The following CA12 variants were observed in gnomAD, a reference collection of about 807,000 sequenced individuals.
CA12 encodes the protein carbonic anhydrase 12.
Under a neutral mutation model 46.8 loss-of-function variants are expected in CA12, and 36 were observed. The observed-to-expected ratio is 0.77, with a 90% CI of 0.59 to 1.02. The LOEUF (loss-of-function observed/expected upper bound fraction) is 1.02. Among genes scored for constraint, CA12 ranks in the 50% least tolerant of loss-of-function variants. The pLI, the probability that CA12 is intolerant of heterozygous loss-of-function variation, is 0.00. For synonymous variants in CA12, 202 were observed against 187.0 expected (o/e 1.08, Z -0.65); for missense variants, 436 against 451.4 (o/e 0.97, Z 0.31).
intron 2 of CA12, among the ~76,000 whole-genome samples, chr15:63,358,949 C>T (rs1272007342): frequency 6.6e-6 from 1 of 152,162 alleles, no homozygotes; most frequent in East Asian, 1.9e-4. Context: ...GATTTCTGAA[C>T]CCTCTGTTTC....
At position 63,370,630 on chromosome 15, in the gene CA12, G is replaced by A. The variant is rs536536913; in HGVS notation, c.106+5028C>T. On this transcript the variant is annotated intron_variant, in intron 2 of 10. Transcript: ENST00000178638. Reference sequence around the variant, plus strand: ...TCTATTAAAAATACAAAGATTAGCCGGGCGTGGTGGTGGGTGCCTGTAATC... The same window carrying A: ...TCTATTAAAAATACAAAGATTAGCCAGGCGTGGTGGTGGGTGCCTGTAATC... Among the ~76,000 whole-genome samples, 5 of 151,572 alleles carry A rather than the reference G, an allele frequency of 3.3e-5. No homozygotes were observed. In the East Asian group the frequency reaches 5.8e-4, roughly 18 times the overall value.
chr15:63,369,728 G>A (rs547148506), intron 2 of CA12, among the ~76,000 whole-genome samples: 5 of 152,308 alleles, frequency 3.3e-5, no homozygotes, highest in South Asian at 2.1e-4. Flanking sequence ...TTCCTAAGGC[G>A]CACCAGACAG....
chr15:63,364,340 A>AAAAAC (rs2039409924), intron 2 of CA12, among the ~76,000 whole-genome samples: 1 of 148,478 alleles, frequency 6.7e-6, no homozygotes, highest in Non-Finnish European at 1.5e-5. Flanking sequence ...TAGAAAAAAA[A>AAAAAC]AAAAAAAAAA....
At position 63,345,398 on chromosome 15, in the gene CA12, T is replaced by C; in HGVS notation, c.429+79A>G. On this transcript the variant is annotated intron_variant, in intron 4 of 10. Transcript: ENST00000178638. This position sits in a 1 kb window ranked among gnomAD's most constrained non-coding sequence, Gnocchi z 4.3. The stretch of plus-strand genomic sequence containing the variant: ...CAGCCTGTCCCATGCTCTGGTGTTA[T>C]CTGCACAGCAGCCAGGTCGAGAAGG... 1 of 1,570,306 alleles carries C rather than the reference T, an allele frequency of 6.4e-7. No individual in the cohort carries two copies. Among genetic ancestry groups the C allele is most frequent in the Non-Finnish European group, 8.6e-7 (1 of 1,157,320 alleles).
At chr15:63,380,916 C>T (rs1438172120) in intron 1 of CA12, among the ~76,000 whole-genome samples, 1 of 152,246 alleles carries the variant, frequency 6.6e-6, no homozygotes, top group African/African-American at 2.4e-5. Context: ...CAGGTCCCCT[C>T]TGCCACCTCC....
rs747521259 is a variant in CA12, at chr15:63,346,641, C to G, written c.175G>C (p.Asp59His). Residue 59 changes from aspartate to histidine, a missense_variant, in exon 3 of 11, where the codon GAC (aspartate) becomes CAC (histidine). By Grantham distance (81) the Asp-to-His change is moderately conservative (BLOSUM62 -1). Transcript: ENST00000178638. ...SCGGLLQSPI[D>H]LHSDILQYDA... is the part of the protein sequence containing the mutation. ...TACTGGAGGATGTCACTGTGCAGGTCTATGGGGGACTGCAGCAGGCCCCCA... is the reference window on the plus strand; with the variant it reads ...TACTGGAGGATGTCACTGTGCAGGTGTATGGGGGACTGCAGCAGGCCCCCA... The G allele has an allele frequency of 1.2e-6, 2 of 1,608,796 alleles. No individual in the cohort carries two copies. Among genetic ancestry groups the G allele is most frequent in the Non-Finnish European group, 1.7e-6 (2 of 1,176,928 alleles).
intron 2 of CA12, among the ~76,000 whole-genome samples, chr15:63,367,328 C>G (rs575804814): frequency 1.4e-4 from 21 of 152,304 alleles, no homozygotes; most frequent in African/African-American, 4.3e-4. Context: ...AAAGAGTCAA[C>G]AGTAAACACT....
chr15:63,332,023 A>G (rs2038943958), intron 8 of CA12, among the ~76,000 whole-genome samples: 1 of 152,180 alleles, frequency 6.6e-6, no homozygotes. Flanking sequence ...GTTTACATAG[A>G]TGGCATGTTA....
rs946830749 is a variant in CA12 at position 63,331,354 on chromosome 15, G to T, written c.875-3224C>A. 3.3e-5 allele frequency among the ~76,000 whole-genome samples: 5 copies of T among 152,240 alleles called. No individual in the cohort carries two copies. ...GGCACTGTAGAGAACAGGCATCAAA[G>T]ATGGTACAGGGAGGGGCAGAACTAG... On this transcript the variant is annotated intron_variant, in intron 8 of 10. Coordinates refer to ENST00000178638, the MANE Select transcript of CA12 (RefSeq NM_001218.5). The surrounding 1 kb of genome is among the most constrained non-coding windows in gnomAD (Gnocchi z 5.3).
chr15:63,330,882 C>T lies in CA12; in HGVS notation c.875-2752G>A, dbSNP rs187660446. Among the ~76,000 whole-genome samples, 5 of 152,274 alleles carry T rather than the reference C, an allele frequency of 3.3e-5. No individual in the cohort carries two copies. Among genetic ancestry groups the T allele is most frequent in the Non-Finnish European group, 7.4e-5 (5 of 68,022 alleles). On this transcript the variant is annotated intron_variant, in intron 8 of 10. Transcript: ENST00000178638. The surrounding 1 kb of genome is among the most constrained non-coding windows in gnomAD (Gnocchi z 4.0). Reference sequence around the variant, plus strand: ...CTAAATGGACTCTCCTTGGAAACAACGAAATGAGACCAAACAGGCATGAAG... The same window carrying T: ...CTAAATGGACTCTCCTTGGAAACAATGAAATGAGACCAAACAGGCATGAAG...
In CA12 at chr15:63,328,527, G is replaced by T; in HGVS notation, c.875-397C>A. Among the ~76,000 whole-genome samples, 1 of 152,012 alleles carries T rather than the reference G, an allele frequency of 6.6e-6. No individual in the cohort carries two copies. The highest frequency in any genetic ancestry group is 1.9e-4 in the East Asian group (1 of 5,166). On this transcript the variant is annotated intron_variant, in intron 8 of 10. Coordinates refer to ENST00000178638, the MANE Select transcript of CA12 (RefSeq NM_001218.5). The surrounding 1 kb of genome is among the most constrained non-coding windows in gnomAD (Gnocchi z 5.9). ...ATTTTTGGATTTTTAGTAGAGACAG[G>T]GTTTCACCATCTTGGCCAGGCTGGT... is the stretch of plus-strand genomic sequence containing the variant.
In CA12 at chr15:63,331,479, G is replaced by A. The variant is rs2038937137; in HGVS notation, c.875-3349C>T. On this transcript the variant is annotated intron_variant, in intron 8 of 10. Transcript: ENST00000178638. This position sits in a 1 kb window ranked among gnomAD's most constrained non-coding sequence, Gnocchi z 5.3. ...CAATGGGACAGACAGTAGAAATGGAGACAGGCTAGGTCACAGAGGTGGCCC... is the reference window on the plus strand; with the variant it reads ...CAATGGGACAGACAGTAGAAATGGAAACAGGCTAGGTCACAGAGGTGGCCC... Among the ~76,000 whole-genome samples, 1 of 152,208 alleles carries A rather than the reference G, an allele frequency of 6.6e-6. No individual in the cohort carries two copies. Among genetic ancestry groups the A allele is most frequent in the Non-Finnish European group, 1.5e-5 (1 of 68,026 alleles).
rs530776281 is a variant in CA12, at chr15:63,323,784, C to T, written c.*2501G>A. 2.2e-4 allele frequency: 33 copies of T among 152,466 alleles called. No homozygotes were observed. Among genetic ancestry groups the T allele is most frequent in the African/African-American group, 6.3e-4 (26 of 41,524 alleles). 9.4% of individuals were successfully genotyped at this position (152,466 alleles called of 1,614,324 possible). A position where few individuals can be genotyped will look rare whatever the true frequency, so the allele number is the denominator to read the frequency against. ...ATTAATAGAGTCAATGCAGCACATG[C>T]TAGAAACAGATACAGAGTTTTTTGT... is the stretch of plus-strand genomic sequence containing the variant. On this transcript the variant is annotated 3_prime_UTR_variant, in exon 11 of 11. Coordinates refer to ENST00000178638, the MANE Select transcript of CA12 (RefSeq NM_001218.5). This position sits in a 1 kb window ranked among gnomAD's most constrained non-coding sequence, Gnocchi z 5.1.
At chr15:63,332,872 C>T (rs1421307913) in intron 8 of CA12, among the ~76,000 whole-genome samples, 1 of 152,190 alleles carries the variant, frequency 6.6e-6, no homozygotes, top group Non-Finnish European at 1.5e-5. Flanking sequence ...AGGCACCATG[C>T]CAGGCATAAA....
intron 4 of CA12, among the ~76,000 whole-genome samples, chr15:63,344,770 A>C (rs777198797): frequency 6.6e-6 from 1 of 152,132 alleles, no homozygotes; most frequent in Non-Finnish European, 1.5e-5. Flanking sequence ...TGGAGTGCCA[A>C]AATGGAGCAT....
intron 8 of CA12, among the ~76,000 whole-genome samples, chr15:63,333,322 C>T (rs2038959460): frequency 6.6e-6 from 1 of 152,238 alleles, no homozygotes. Context: ...CTTTCCTGAA[C>T]ATAGTCTGCC....
Position 63,373,904 on chromosome 15 carries a change from C to T in CA12, c.106+1754G>A, listed in dbSNP as rs1334461227. Among the ~76,000 whole-genome samples the T allele has an allele frequency of 6.6e-6, 1 of 152,208 alleles. No individual in the cohort carries two copies. The highest frequency in any genetic ancestry group is 1.9e-4 in the East Asian group (1 of 5,190). On this transcript the variant is annotated intron_variant, in intron 2 of 10. Coordinates refer to ENST00000178638, the MANE Select transcript of CA12 (RefSeq NM_001218.5). The surrounding 1 kb of genome is among the most constrained non-coding windows in gnomAD (Gnocchi z 4.9). ...TACACACGGAACCTGCCCAAGGGGC[C>T]CTGTGGCCCAGATTCTGCGATTCTT... is the stretch of plus-strand genomic sequence containing the variant.
chr15:63,380,006 C>A (rs919778598), intron 1 of CA12, among the ~76,000 whole-genome samples: 1 of 152,202 alleles, frequency 6.6e-6, no homozygotes, highest in Non-Finnish European at 1.5e-5. Flanking sequence ...CACTTTGACC[C>A]CATTACTCAG....
In CA12 at chr15:63,330,539, C is replaced by A. The variant is rs915720779; in HGVS notation, c.875-2409G>T. Among the ~76,000 whole-genome samples the A allele has an allele frequency of 1.3e-5, 2 of 152,164 alleles. No homozygotes were observed. Among genetic ancestry groups the A allele is most frequent in the Non-Finnish European group, 2.9e-5 (2 of 68,030 alleles). ...ATCCAGGCTGGATGGTTTCTAAAGT[C>A]ATCTCTTTCACAGTCACCTCAAACA... On this transcript the variant is annotated intron_variant, in intron 8 of 10. Transcript: ENST00000178638. This position sits in a 1 kb window ranked among gnomAD's most constrained non-coding sequence, Gnocchi z 4.0.
Sources: gnomAD v4.1 joint callset for allele counts (sites outside exome capture counted in the v4.1 genomes callset) on GRCh38, gnomAD v4.1.1 for gene constraint, Gnocchi (gnomAD v3.1) non-coding constraint, MANE v1.5 for transcripts, NCBI Gene and HGNC (gene_info 2026-07-23, HGNC 2026-07-21) for gene names.